The following MCU variants were observed in gnomAD, a reference collection of about 807,000 sequenced individuals.
MCU encodes the protein mitochondrial calcium uniporter, also known as calcium uniporter protein, mitochondrial.
In MCU, 12 loss-of-function variants were observed where a neutral mutation model predicts 45.2. The ratio of observed to expected loss-of-function variants is 0.27; its 90% CI spans 0.17 to 0.43. The LOEUF (loss-of-function observed/expected upper bound fraction) is 0.43, where lower values mean the gene tolerates loss of function less well. Among genes scored for constraint, MCU ranks in the 20% least tolerant of loss-of-function variants. MCU has a pLI of 1.00. For missense variants in MCU, 324 were observed against 436.7 expected, an observed-to-expected ratio of 0.74 and a Z score of 2.30; for synonymous variants, 160 against 165.1, an observed-to-expected ratio of 0.97 and a Z score of 0.24.
intron 1 of MCU, among the ~76,000 whole-genome samples, chr10:72,753,760 AC>A (rs1843534963): frequency 6.6e-6 from 1 of 151,904 alleles, no homozygotes; most frequent in Non-Finnish European, 1.5e-5. Flanking sequence ...GCGCTTCTGG[AC>A]CCAGCTACTT....
At chr10:72,844,216 A>G (rs1446745027) in intron 2 of MCU, among the ~76,000 whole-genome samples, 1 of 152,124 alleles carries the variant, frequency 6.6e-6, no homozygotes, top group African/African-American at 2.4e-5. Context: ...GCAAAACACT[A>G]TCGCTACTAA....
At chr10:72,759,596 T>C (rs1843626101) in intron 1 of MCU, among the ~76,000 whole-genome samples, 1 of 152,166 alleles carries the variant, frequency 6.6e-6, no homozygotes, top group African/African-American at 2.4e-5. Context: ...AAATTTGTTT[T>C]AAAATAAAAA....
At chr10:72,819,727 C>CTTTTTTTTTTT (rs71021538) in intron 1 of MCU, among the ~76,000 whole-genome samples, 1 of 102,602 alleles carries the variant, frequency 9.7e-6, no homozygotes, top group Non-Finnish European at 1.9e-5. Context: ...TTTTTCCAGT[C>CTTTTTTTTTTT]TTTTTTTTTT....
At chr10:72,754,568 T>A (rs565726980) in intron 1 of MCU, among the ~76,000 whole-genome samples, 7 of 152,248 alleles carry the variant, frequency 4.6e-5, no homozygotes, top group African/African-American at 1.7e-4. Context: ...CTGGGCAACA[T>A]AGACCCTGTC....
intron 1 of MCU, among the ~76,000 whole-genome samples, chr10:72,818,991 A>G (rs1844668432): frequency 6.6e-6 from 1 of 152,270 alleles, no homozygotes; most frequent in South Asian, 2.1e-4. Context: ...ATATAAACAG[A>G]TGCCAGTTTT....
intron 2 of MCU, among the ~76,000 whole-genome samples, chr10:72,858,828 A>G (rs1205618340): frequency 4.6e-5 from 7 of 152,212 alleles, no homozygotes; most frequent in African/African-American, 1.7e-4. Context: ...CTAGCCCAGC[A>G]ATCTCTGACT....
At chr10:72,815,505 AG>A (rs1253325597) in intron 1 of MCU, among the ~76,000 whole-genome samples, 1 of 152,228 alleles carries the variant, frequency 6.6e-6, no homozygotes, top group Non-Finnish European at 1.5e-5. Context: ...GTGGACATGT[AG>A]GTAGTGGGAT....
At chr10:72,845,911 A>T (rs1362201919) in intron 2 of MCU, among the ~76,000 whole-genome samples, 1 of 152,210 alleles carries the variant, frequency 6.6e-6, no homozygotes, top group East Asian at 1.9e-4. Context: ...CAAGTTTTAG[A>T]GGTTTGTATA....
chr10:72,854,369 CTCATA>C (rs538382322), intron 2 of MCU, among the ~76,000 whole-genome samples: 60 of 152,140 alleles, frequency 3.9e-4, no homozygotes, highest in Non-Finnish European at 7.4e-4. Flanking sequence ...TATACACAAA[CTCATA>C]TCATATACTA....
chr10:72,824,850 A>G (rs1461936244), intron 1 of MCU, among the ~76,000 whole-genome samples: 4 of 152,224 alleles, frequency 2.6e-5, no homozygotes, highest in African/African-American at 9.6e-5. Context: ...CTGAAGCTAG[A>G]GCAAAAATGA....
At chr10:72,715,176 T>C (rs1158903125) in intron 1 of MCU, 2 of 985,534 alleles carry the variant, frequency 2.0e-6, no homozygotes, top group African/African-American at 1.7e-5. Flanking sequence ...CCATGTACCA[T>C]GCCAGTGACA....
chr10:72,721,906 C>G (rs1843026877), intron 1 of MCU, among the ~76,000 whole-genome samples: 2 of 152,064 alleles, frequency 1.3e-5, no homozygotes, highest in African/African-American at 4.8e-5. Context: ...TACATATAAA[C>G]AAATCAGTTT....
At chr10:72,811,471 A>G (rs1338108862) in intron 1 of MCU, among the ~76,000 whole-genome samples, 3 of 152,194 alleles carry the variant, frequency 2.0e-5, no homozygotes, top group Admixed American at 1.3e-4. Context: ...TCTGAATAAT[A>G]AGACTTGTTT....
At chr10:72,772,889 C>T (rs1367574599) in intron 1 of MCU, among the ~76,000 whole-genome samples, 1 of 147,236 alleles carries the variant, frequency 6.8e-6, no homozygotes, top group Admixed American at 6.7e-5. Context: ...TTCAAAATAG[C>T]AGGTTTTGTT....
At chr10:72,878,762 A>T (rs1845656483) in intron 6 of MCU, among the ~76,000 whole-genome samples, 1 of 152,212 alleles carries the variant, frequency 6.6e-6, no homozygotes, top group South Asian at 2.1e-4. Context: ...ATACAGAAAG[A>T]TGTAAAATAT....
chr10:72,741,116 G>A (rs963317426), intron 1 of MCU, among the ~76,000 whole-genome samples: 2 of 45,758 alleles, frequency 4.4e-5, no homozygotes, highest in African/African-American at 1.7e-4. Context: ...TTTTTTTTTT[G>A]TGTGACGGAG....
At chr10:72,831,669 C>T (rs1262356045) in intron 1 of MCU, among the ~76,000 whole-genome samples, 4 of 152,100 alleles carry the variant, frequency 2.6e-5, no homozygotes, top group African/African-American at 9.7e-5. Context: ...GGGGAAAATA[C>T]AGCATAAAAG....
At chr10:72,746,820 TGTA>T (rs1843421356) in intron 1 of MCU, among the ~76,000 whole-genome samples, 1 of 152,202 alleles carries the variant, frequency 6.6e-6, no homozygotes, top group Admixed American at 6.5e-5. Flanking sequence ...TATCAAGACA[TGTA>T]GTTATTATGT....
chr10:72,742,653 G>A (rs1305142066), intron 1 of MCU, among the ~76,000 whole-genome samples: 1 of 152,182 alleles, frequency 6.6e-6, no homozygotes, highest in African/African-American at 2.4e-5. Flanking sequence ...AACATGTCTT[G>A]CCTGCAAACT....
Sources: allele counts gnomAD v4.1 joint callset (sites outside exome capture counted in the v4.1 genomes callset), GRCh38; gene constraint gnomAD v4.1.1; transcripts MANE v1.5; gene names NCBI Gene and HGNC (gene_info 2026-07-23, HGNC 2026-07-21).